Variants in SPMIP11 observed in about 807,000 individuals in gnomAD.
SPMIP11 encodes the protein sperm microtubule inner protein 11.
chr12:48,759,963 T>C, the SPMIP11 span, among the ~76,000 whole-genome samples: 2 of 151,926 alleles, frequency 1.3e-5, no homozygotes, highest in African/African-American at 4.8e-5. Flanking sequence ...CCTGCCACCA[T>C]ACCTGGCTAA....
the SPMIP11 span, among the ~76,000 whole-genome samples, chr12:48,751,434 T>A: frequency 6.6e-6 from 1 of 151,680 alleles, no homozygotes. Flanking sequence ...GGCAATACAG[T>A]GGGACCCTGT....
chr12:48,757,660 AAAAAT>A, the SPMIP11 span, among the ~76,000 whole-genome samples: 4 of 71,132 alleles, frequency 5.6e-5, no homozygotes, highest in South Asian at 1.4e-3. Context: ...AAATAAAAAT[AAAAAT>A]AAAATAAAAT....
At chr12:48,759,438 T>C in the SPMIP11 span, 78 of 633,940 alleles carry the variant, frequency 1.2e-4, no homozygotes, top group East Asian at 2.0e-4. Context: ...TCTGTAATCC[T>C]AGCACTTTGG....
At chr12:48,757,379 G>C in the SPMIP11 span, among the ~76,000 whole-genome samples, 82 of 152,240 alleles carry the variant, frequency 5.4e-4, no homozygotes, top group South Asian at 1.0e-3. Context: ...TGGGCGCAGT[G>C]CCTCACCCCT....
At chr12:48,755,113 C>T in the SPMIP11 span, among the ~76,000 whole-genome samples, 4 of 152,282 alleles carry the variant, frequency 2.6e-5, no homozygotes, top group South Asian at 4.1e-4. Context: ...GTGTGACCAC[C>T]CCCGAGTCAC....
chr12:48,760,660 G>T, the SPMIP11 span, among the ~76,000 whole-genome samples: 10 of 152,128 alleles, frequency 6.6e-5, no homozygotes, highest in Admixed American at 2.0e-4. Flanking sequence ...CTGAGTAGGT[G>T]GGACTACAGG....
At chr12:48,768,696 C>T in the SPMIP11 span, 1 of 1,614,188 alleles carries the variant, frequency 6.2e-7, no homozygotes, top group Non-Finnish European at 8.5e-7. Context: ...CAGCTAGAAC[C>T]TGGTACAGGT....
At chr12:48,740,916 C>A in the SPMIP11 span, among the ~76,000 whole-genome samples, 1 of 151,844 alleles carries the variant, frequency 6.6e-6, no homozygotes, top group Non-Finnish European at 1.5e-5. Flanking sequence ...GATGAGGTCT[C>A]GCTATGTTGC....
chr12:48,735,878 C>T, the SPMIP11 span, among the ~76,000 whole-genome samples: 1 of 151,550 alleles, frequency 6.6e-6, no homozygotes, highest in African/African-American at 2.4e-5. Flanking sequence ...AGGGAGACTC[C>T]CTCTCAAAAT....
chr12:48,742,104 C>T, the SPMIP11 span, among the ~76,000 whole-genome samples: 1 of 152,154 alleles, frequency 6.6e-6, no homozygotes, highest in East Asian at 1.9e-4. Context: ...TTTGTAGACA[C>T]AGGGTCTCAC....
chr12:48,730,328 A>T, the SPMIP11 span, among the ~76,000 whole-genome samples: 3 of 152,132 alleles, frequency 2.0e-5, no homozygotes, highest in African/African-American at 7.2e-5. Context: ...CAGAGGCAGG[A>T]GGTTTGGCCA....
At chr12:48,740,524 A>C in the SPMIP11 span, among the ~76,000 whole-genome samples, 6 of 137,628 alleles carry the variant, frequency 4.4e-5, no homozygotes, top group Non-Finnish European at 7.7e-5. Context: ...ACAGGGTCTC[A>C]CTCTGTCTCC....
chr12:48,735,835 G>C, the SPMIP11 span, among the ~76,000 whole-genome samples: 1 of 151,458 alleles, frequency 6.6e-6, no homozygotes, highest in Non-Finnish European at 1.5e-5. Context: ...AGTGAGCCAA[G>C]ATCATGCCAT....
At chr12:48,742,344 C>T in the SPMIP11 span, among the ~76,000 whole-genome samples, 19 of 147,204 alleles carry the variant, frequency 1.3e-4, no homozygotes, top group Non-Finnish European at 2.5e-4. Context: ...TACAACGGCA[C>T]GATCTCGGCT....
chr12:48,762,127 C>T, the SPMIP11 span, among the ~76,000 whole-genome samples: 2 of 134,024 alleles, frequency 1.5e-5, no homozygotes, highest in African/African-American at 5.8e-5. Flanking sequence ...GGCGCGATCT[C>T]GGCTCACCAC....
the SPMIP11 span, among the ~76,000 whole-genome samples, chr12:48,764,255 C>T: frequency 5.9e-5 from 9 of 152,128 alleles, no homozygotes; most frequent in Non-Finnish European, 1.2e-4. Flanking sequence ...TCCCAAAGTG[C>T]TGGAATTACA....
At chr12:48,735,896 A>G in the SPMIP11 span, among the ~76,000 whole-genome samples, 4 of 152,090 alleles carry the variant, frequency 2.6e-5, no homozygotes, top group African/African-American at 9.7e-5. Flanking sequence ...AATAATAATA[A>G]TAATAATTAA....
the SPMIP11 span, among the ~76,000 whole-genome samples, chr12:48,759,703 G>T: frequency 6.6e-6 from 1 of 151,762 alleles, no homozygotes; most frequent in Non-Finnish European, 1.5e-5. Flanking sequence ...GGATGTGGTT[G>T]GGTATGGTTA....
chr12:48,743,521 G>A, the SPMIP11 span, among the ~76,000 whole-genome samples: 3 of 152,116 alleles, frequency 2.0e-5, no homozygotes, highest in Non-Finnish European at 4.4e-5. Flanking sequence ...ATTAAAACTT[G>A]AGAGGCTGGC....
Sources: allele counts gnomAD v4.1 joint callset (sites outside exome capture counted in the v4.1 genomes callset), GRCh38; gene constraint gnomAD v4.1.1; transcripts MANE v1.5; gene names NCBI Gene and HGNC (gene_info 2026-07-23, HGNC 2026-07-21).